The following FGF14 variants were observed in gnomAD, a reference collection of about 807,000 sequenced individuals.
FGF14 encodes the protein fibroblast growth factor 14.
FGF14 carries 5 observed loss-of-function variants against 25.5 expected under a neutral mutation model. The ratio of observed to expected loss-of-function variants is 0.20; its 90% CI spans 0.10 to 0.41. The LOEUF is 0.41. FGF14 is among the 10% of genes least tolerant of loss of function. The probability of loss-of-function intolerance (pLI) is 1.00; values close to 1 mark genes in which losing one functional copy is unlikely to be tolerated. For synonymous variants in FGF14, 138 were observed against 118.3 expected (o/e 1.17, Z -1.08); for missense variants, 222 against 320.1 (o/e 0.69, Z 2.34).
intron 1 of FGF14, among the ~76,000 whole-genome samples, chr13:102,346,160 A>T (rs1023819053): frequency 6.6e-6 from 1 of 152,198 alleles, no homozygotes; most frequent in Non-Finnish European, 1.5e-5. Flanking sequence ...AAATTTAACA[A>T]GCACAAAAAT....
chr13:102,369,343 C>A (rs1003023551), intron 1 of FGF14, among the ~76,000 whole-genome samples: 6 of 152,182 alleles, frequency 3.9e-5, no homozygotes, highest in African/African-American at 1.4e-4. Context: ...ATAAATTGCC[C>A]AGATCCATTC....
chr13:102,100,991 T>C (rs914975423), intron 1 of FGF14, among the ~76,000 whole-genome samples: 3 of 152,108 alleles, frequency 2.0e-5, no homozygotes, highest in Admixed American at 2.0e-4. Flanking sequence ...CCCAGTTACT[T>C]GGGAGGCTGA....
rs561394915 is a variant in FGF14, at chr13:102,055,701, G to A, written c.209-180405C>T. On this transcript the variant is annotated intron_variant, in intron 1 of 4. Coordinates refer to the FGF14 transcript ENST00000376131. ...CAGTGGGGGCATAGCACAACACAGG[G>A]GGTGGCAAACCACACCTCTTTGGGC... 2.0e-5 allele frequency among the ~76,000 whole-genome samples: 3 copies of A among 152,232 alleles called. No homozygotes were observed. The South Asian group carries it at 6.2e-4, about 32-fold the overall frequency.
chr13:101,873,859 G>C (rs960729312), intron 2 of FGF14, among the ~76,000 whole-genome samples: 1 of 150,950 alleles, frequency 6.6e-6, no homozygotes, highest in African/African-American at 2.4e-5. Flanking sequence ...TATCAAAAAG[G>C]AAATAAACTA....
At chr13:101,991,691 A>G (rs1270456267) in intron 1 of FGF14, among the ~76,000 whole-genome samples, 1 of 152,158 alleles carries the variant, frequency 6.6e-6, no homozygotes, top group Admixed American at 6.5e-5. Context: ...ACCCAGGGCC[A>G]GGTCCTACAG....
intron 1 of FGF14, among the ~76,000 whole-genome samples, chr13:101,911,690 AAAAACAAAAC>A (rs762855627): frequency 6.6e-6 from 1 of 152,112 alleles, no homozygotes; most frequent in Admixed American, 6.6e-5. Flanking sequence ...GTCCCTTGTT[AAAAACAAAAC>A]AAAACAAAAC....
rs144567509 is a variant in FGF14 at position 101,870,979 on chromosome 13, C to A, written c.305-2151G>T. Among the ~76,000 whole-genome samples the A allele has an allele frequency of 2.4e-3, 361 of 147,614 alleles. 3 individuals carry two copies. The highest frequency in any genetic ancestry group is 4.1e-3 in the African/African-American group (165 of 40,198). On this transcript the variant is annotated intron_variant, in intron 2 of 4. Transcript: ENST00000376143. ...AAATAAATAAATAAATAAATAAATACATACATACATACATACATACATACA... is the reference window on the plus strand; with the variant it reads ...AAATAAATAAATAAATAAATAAATAAATACATACATACATACATACATACA...
chr13:101,931,804 G>A (rs1566455253), intron 1 of FGF14, among the ~76,000 whole-genome samples: 2 of 152,032 alleles, frequency 1.3e-5, no homozygotes, highest in South Asian at 4.2e-4. Flanking sequence ...CCTGAAGAAC[G>A]CGATTGACCC....
chr13:102,258,978 AT>A (rs1251865011), intron 1 of FGF14, among the ~76,000 whole-genome samples: 3 of 152,152 alleles, frequency 2.0e-5, no homozygotes, highest in Non-Finnish European at 4.4e-5. Flanking sequence ...CTGTATGTGT[AT>A]TTTTTCTAGA....
At chr13:101,813,666 G>A (rs1295940548) in intron 3 of FGF14, among the ~76,000 whole-genome samples, 4 of 150,556 alleles carry the variant, frequency 2.7e-5, no homozygotes, top group Non-Finnish European at 5.9e-5. Context: ...CTCAAACAGT[G>A]TATGAGCAGG....
chr13:102,375,713 CA>C (rs1176659272), intron 1 of FGF14, among the ~76,000 whole-genome samples: 1 of 151,992 alleles, frequency 6.6e-6, no homozygotes, highest in Non-Finnish European at 1.5e-5. Context: ...CAAGAAAAAA[CA>C]ATTCTAGTCT....
At chr13:102,277,444 G>A (rs751300276) in intron 1 of FGF14, among the ~76,000 whole-genome samples, 3 of 152,206 alleles carry the variant, frequency 2.0e-5, no homozygotes, top group South Asian at 2.1e-4. Flanking sequence ...TGGCCCCACC[G>A]CGTGCCCACT....
intron 1 of FGF14, among the ~76,000 whole-genome samples, chr13:102,113,217 C>T (rs1312981669): frequency 2.0e-5 from 3 of 152,192 alleles, no homozygotes; most frequent in Non-Finnish European, 4.4e-5. Context: ...GCTGGTATAA[C>T]AGTTAAAAGA....
chr13:101,877,482 A>G (rs575666273), intron 1 of FGF14, among the ~76,000 whole-genome samples: 2 of 152,266 alleles, frequency 1.3e-5, no homozygotes, highest in South Asian at 4.1e-4. Flanking sequence ...AGTAGTAATA[A>G]TATGACAAAG....
chr13:102,240,892 A>G (rs1317828307), intron 1 of FGF14, among the ~76,000 whole-genome samples: 1 of 152,168 alleles, frequency 6.6e-6, no homozygotes, highest in East Asian at 1.9e-4. Context: ...ACATAATAGG[A>G]AATGTTTAAG....
At chr13:102,193,756 C>G (rs1353074858) in intron 1 of FGF14, among the ~76,000 whole-genome samples, 3 of 152,116 alleles carry the variant, frequency 2.0e-5, no homozygotes, top group Non-Finnish European at 4.4e-5. Flanking sequence ...CAAACAGGAA[C>G]AATAGCAAAC....
rs760590707 is a variant in FGF14, at chr13:102,400,937, G to A, written c.208+534C>T. On this transcript the variant is annotated intron_variant, in intron 1 of 4. Transcript: ENST00000376131. This position sits in a 1 kb window ranked among gnomAD's most constrained non-coding sequence, Gnocchi z 4.3. Reference sequence around the variant, plus strand: ...GCTCGGGCACCCGGAGCTGGACGGGGGAGGGACGCGGGGGCTGACGGAGGA... The same window carrying A: ...GCTCGGGCACCCGGAGCTGGACGGGAGAGGGACGCGGGGGCTGACGGAGGA... Among the ~76,000 whole-genome samples, 1 of 152,154 alleles carries A rather than the reference G, an allele frequency of 6.6e-6. No homozygotes were observed. The highest frequency in any genetic ancestry group is 2.4e-5 in the African/African-American group (1 of 41,448).
intron 3 of FGF14, among the ~76,000 whole-genome samples, chr13:101,830,284 A>T (rs1272564191): frequency 6.6e-6 from 1 of 151,882 alleles, no homozygotes; most frequent in Non-Finnish European, 1.5e-5. Flanking sequence ...CTGGGAGAGG[A>T]GGCAGTGATA....
intron 3 of FGF14, among the ~76,000 whole-genome samples, chr13:101,851,871 T>A (rs946969585): frequency 3.9e-5 from 6 of 152,092 alleles, no homozygotes; most frequent in Admixed American, 1.3e-4. Context: ...ATGAATATAA[T>A]CAAGGACACC....
Sources: gnomAD v4.1 joint callset for allele counts (sites outside exome capture counted in the v4.1 genomes callset) on GRCh38, gnomAD v4.1.1 for gene constraint, Gnocchi (gnomAD v3.1) non-coding constraint, MANE v1.5 for transcripts, NCBI Gene and HGNC (gene_info 2026-07-23, HGNC 2026-07-21) for gene names.